NMNAT2: variants seen among roughly 807,000 people sequenced by gnomAD.
NMNAT2 encodes the protein nicotinamide nucleotide adenylyltransferase 2, also known as nicotinamide/nicotinic acid mononucleotide adenylyltransferase 2.
Under a neutral mutation model 41.6 loss-of-function variants are expected in NMNAT2, and 11 were observed. That is an observed-to-expected ratio of 0.26 (90% CI 0.17 to 0.44). The LOEUF is 0.44. Ranked by LOEUF, NMNAT2 falls within the 20% of genes least tolerant of loss-of-function variation. NMNAT2 has a pLI of 1.00. For missense variants in NMNAT2, 288 were observed against 407.7 expected (o/e 0.71, Z 2.53); for synonymous variants, 148 against 151.2 (o/e 0.98, Z 0.16).
At chr1:183,390,537 T>C (rs1442404177) in intron 1 of NMNAT2, among the ~76,000 whole-genome samples, 1 of 152,198 alleles carries the variant, frequency 6.6e-6, no homozygotes, top group Non-Finnish European at 1.5e-5. Context: ...TTATACAAAT[T>C]ATACTTAAAA....
chr1:183,272,641 C>T (rs1661015301), intron 8 of NMNAT2, among the ~76,000 whole-genome samples: 1 of 152,150 alleles, frequency 6.6e-6, no homozygotes, highest in South Asian at 2.1e-4. Flanking sequence ...GTTCAAGAAT[C>T]CAAAGTGAAA....
At chr1:183,391,413 C>G (rs886483720) in intron 1 of NMNAT2, among the ~76,000 whole-genome samples, 2 of 152,198 alleles carry the variant, frequency 1.3e-5, no homozygotes, top group South Asian at 2.1e-4. Flanking sequence ...ATAACCTACT[C>G]TAATGTGCTT....
chr1:183,297,528 A>C (rs1433258793), intron 1 of NMNAT2, among the ~76,000 whole-genome samples: 1 of 151,832 alleles, frequency 6.6e-6, no homozygotes, highest in Non-Finnish European at 1.5e-5. Flanking sequence ...AATTACAGGG[A>C]TGTGCCACCA....
chr1:183,279,792 G>A (rs748282123), intron 7 of NMNAT2, among the ~76,000 whole-genome samples: 58 of 152,204 alleles, frequency 3.8e-4, no homozygotes, highest in Non-Finnish European at 5.1e-4. Context: ...GCCCCACTGA[G>A]GACTGGATTG....
intron 1 of NMNAT2, among the ~76,000 whole-genome samples, chr1:183,377,208 A>T (rs965018992): frequency 2.0e-5 from 3 of 152,044 alleles, no homozygotes; most frequent in Non-Finnish European, 4.4e-5. Flanking sequence ...TTATATCTGG[A>T]GAAGGGGTAA....
At chr1:183,369,039 T>C (rs1005261025) in intron 1 of NMNAT2, among the ~76,000 whole-genome samples, 2 of 152,156 alleles carry the variant, frequency 1.3e-5, no homozygotes, top group African/African-American at 4.8e-5. Context: ...GTGAGACCCC[T>C]TCTCACGGCA....
intron 1 of NMNAT2, among the ~76,000 whole-genome samples, chr1:183,301,698 C>T (rs897260764): frequency 2.0e-5 from 3 of 152,204 alleles, no homozygotes; most frequent in Non-Finnish European, 2.9e-5. Flanking sequence ...TTCCTTATAG[C>T]CTGTGCTGGA....
chr1:183,265,316 G>A (rs1660785529), intron 8 of NMNAT2, among the ~76,000 whole-genome samples: 1 of 131,546 alleles, frequency 7.6e-6, no homozygotes. Context: ...GCCCAGGCTG[G>A]AGTGCAGTGG....
At chr1:183,307,215 G>A (rs566514852) in intron 1 of NMNAT2, among the ~76,000 whole-genome samples, 30 of 152,118 alleles carry the variant, frequency 2.0e-4, no homozygotes, top group Middle Eastern at 6.8e-3. Context: ...TTCCCTCTCC[G>A]GCTTAGAAAG....
At chr1:183,341,521 T>C in intron 1 of NMNAT2, among the ~76,000 whole-genome samples, 1 of 28,762 alleles carries the variant, frequency 3.5e-5, no homozygotes, top group Non-Finnish European at 6.8e-5. Context: ...CTACAAAAAA[T>C]GCAAAAAAAA....
intron 4 of NMNAT2, among the ~76,000 whole-genome samples, chr1:183,289,656 G>C (rs962985020): frequency 5.3e-5 from 8 of 152,202 alleles, no homozygotes; most frequent in Non-Finnish European, 1.2e-4. Flanking sequence ...TGGCAGGTGT[G>C]AAGTGCCCCA....
intron 1 of NMNAT2, among the ~76,000 whole-genome samples, chr1:183,331,163 A>C (rs1571602581): frequency 6.6e-6 from 1 of 152,130 alleles, no homozygotes; most frequent in Non-Finnish European, 1.5e-5. Flanking sequence ...GCACAGAGGC[A>C]TGTGAAATCA....
intron 1 of NMNAT2, among the ~76,000 whole-genome samples, chr1:183,390,854 C>A (rs1648461576): frequency 6.6e-6 from 1 of 152,144 alleles, no homozygotes; most frequent in Non-Finnish European, 1.5e-5. Flanking sequence ...TATTTTCTTT[C>A]TATGAAGTCA....
chr1:183,281,725 C>A (rs945745033), intron 7 of NMNAT2, among the ~76,000 whole-genome samples: 2 of 152,206 alleles, frequency 1.3e-5, no homozygotes, highest in African/African-American at 4.8e-5. Context: ...AGCCTGTGGT[C>A]TAGGGCAGCC....
At chr1:183,268,894 TATTTTA>T (rs2102288390) in intron 8 of NMNAT2, among the ~76,000 whole-genome samples, 2 of 152,160 alleles carry the variant, frequency 1.3e-5, no homozygotes, top group African/African-American at 4.8e-5. Context: ...AAACAAATTT[TATTTTA>T]AATTAGCTGA....
chr1:183,302,449 T>C (rs1661880563), intron 1 of NMNAT2, among the ~76,000 whole-genome samples: 1 of 152,224 alleles, frequency 6.6e-6, no homozygotes, highest in South Asian at 2.1e-4. Context: ...GAAGGTGTTA[T>C]TAACTTTGTC....
At chr1:183,406,812 C>CTTTTTTT (rs58394186) in intron 1 of NMNAT2, among the ~76,000 whole-genome samples, 2 of 88,666 alleles carry the variant, frequency 2.3e-5, no homozygotes, top group Non-Finnish European at 4.2e-5. Flanking sequence ...TCTGCCATTC[C>CTTTTTTT]TTTTTTTTTT....
rs575376657 is a variant in NMNAT2 at position 183,288,344 on chromosome 1, G to A, written c.322-1556C>T. Among the ~76,000 whole-genome samples, 250 of 152,252 alleles carry A rather than the reference G, an allele frequency of 1.6e-3. 7 individuals carry two copies. In the South Asian group the frequency reaches 0.049, roughly 30 times the overall value. On this transcript the variant is annotated intron_variant, in intron 4 of 10. Transcript: ENST00000287713. ...CTGCGGCAGGTCTACTCTCCATGCA[G>A]GGAACACCTGCCTCATGCTTGCTAG...
chr1:183,355,749 A>C (rs181491407), intron 1 of NMNAT2, among the ~76,000 whole-genome samples: 1 of 152,214 alleles, frequency 6.6e-6, no homozygotes, highest in Non-Finnish European at 1.5e-5. Flanking sequence ...GCAGGCCTCC[A>C]GCCCGGATTG....
Sources: gnomAD v4.1 joint callset for allele counts (sites outside exome capture counted in the v4.1 genomes callset) on GRCh38, gnomAD v4.1.1 for gene constraint, MANE v1.5 for transcripts, NCBI Gene and HGNC (gene_info 2026-07-23, HGNC 2026-07-21) for gene names.